LRIG1: variants seen among roughly 807,000 people sequenced by gnomAD.
LRIG1 encodes leucine-rich repeats and immunoglobulin-like domains protein 1.
Under a neutral mutation model 99.2 loss-of-function variants are expected in LRIG1, and 48 were observed. That is an observed-to-expected ratio of 0.48 (90% CI 0.38 to 0.62). The LOEUF (loss-of-function observed/expected upper bound fraction) is 0.62, where lower values mean the gene tolerates loss of function less well. LRIG1 is among the 20% of genes least tolerant of loss of function. The probability of loss-of-function intolerance (pLI) is 0.00; values close to 1 mark genes in which losing one functional copy is unlikely to be tolerated. For missense variants in LRIG1, 1,646 were observed against 1,434.4 expected (o/e 1.15, Z -2.38); for synonymous variants, 772 against 596.1 (o/e 1.29, Z -4.30).
At position 66,412,950 on chromosome 3, in the gene LRIG1, C is replaced by T. The variant is rs777288078; in HGVS notation, c.712G>A (p.Glu238Lys). 3.7e-6 allele frequency: 6 copies of T among 1,614,120 alleles called. No homozygotes were observed. The highest frequency in any genetic ancestry group is 5.1e-6 in the Non-Finnish European group (6 of 1,180,042). ...GLTFQGLNSL[E>K]VLKLQRNNIS... is the part of the protein sequence containing the mutation. ...TTGTTTCGCTGAAGCTTCAGCACCT[C>T]CAAGCTGTTGAGCCCCTGGAAGGTG... The change falls in exon 6 of 19, where the codon GAG becomes AAG. Residue 238 changes from glutamate to lysine, a missense_variant. Glu to Lys is a moderately conservative substitution (Grantham distance 56, BLOSUM62 1). Coordinates refer to ENST00000273261, the MANE Select transcript of LRIG1 (RefSeq NM_015541.3).
intron 1 of LRIG1, among the ~76,000 whole-genome samples, chr3:66,473,349 T>C (rs1409195040): frequency 5.9e-5 from 9 of 152,264 alleles, no homozygotes; most frequent in Admixed American, 5.9e-4. Context: ...TTCCCCAGAG[T>C]ACGGGAGTCC....
chr3:66,492,706 G>C (rs150657244), intron 1 of LRIG1, among the ~76,000 whole-genome samples: 1 of 151,618 alleles, frequency 6.6e-6, no homozygotes, highest in African/African-American at 2.4e-5. Context: ...GCAGTAATTA[G>C]AACCTGCATC....
At chr3:66,398,902 C>A (rs1575659760) in intron 10 of LRIG1, 68 bp downstream of exon 10, 6 of 1,308,182 alleles carry the variant, frequency 4.6e-6, no homozygotes, top group Admixed American at 1.7e-5. Flanking sequence ...GATTAAATTG[C>A]TAGCAGAACT....
chr3:66,484,297 A>T (rs1430973164), intron 1 of LRIG1, among the ~76,000 whole-genome samples: 1 of 152,232 alleles, frequency 6.6e-6, no homozygotes, highest in Non-Finnish European at 1.5e-5. Context: ...TGTCACGAGC[A>T]TTTAATGTGT....
At chr3:66,424,570 CAAG>C (rs1559792733) in intron 3 of LRIG1, among the ~76,000 whole-genome samples, 1 of 152,170 alleles carries the variant, frequency 6.6e-6, no homozygotes, top group African/African-American at 2.4e-5. Context: ...GCACAGTTCC[CAAG>C]AAGATCCATA....
intron 1 of LRIG1, among the ~76,000 whole-genome samples, chr3:66,464,007 G>C (rs556356845): frequency 4.6e-5 from 7 of 152,352 alleles, no homozygotes; most frequent in African/African-American, 1.4e-4. Flanking sequence ...GAACTCAAGT[G>C]TGAGCTTGTC....
intron 1 of LRIG1, among the ~76,000 whole-genome samples, chr3:66,490,142 C>A (rs754042401): frequency 6.6e-6 from 1 of 152,260 alleles, no homozygotes; most frequent in Middle Eastern, 3.4e-3. Context: ...TTGGGTAAAG[C>A]ATAGCCCTGG....
At position 66,485,629 on chromosome 3, in the gene LRIG1, A is replaced by AC. The variant is rs764816542; in HGVS notation, c.218+14560dup. 2.6e-5 allele frequency among the ~76,000 whole-genome samples: 4 copies of AC among 152,344 alleles called. No homozygotes were observed. The East Asian group carries it at 7.7e-4, about 29-fold the overall frequency. ...ATACTTTACTGTTTATAAATAGTTT[A>AC]CTTTTTTTGATCCCCAAGCATATAA... On this transcript the variant is annotated intron_variant, in intron 1 of 18. Transcript: ENST00000273261.
chr3:66,458,022 T>C (rs1283554693), intron 2 of LRIG1, among the ~76,000 whole-genome samples: 1 of 152,264 alleles, frequency 6.6e-6, no homozygotes. Flanking sequence ...GCACAGGTTT[T>C]GAGTTCAACT....
chr3:66,382,976 C>T lies in LRIG1; in HGVS notation c.2491+6G>A. ...TTGAAAGTCAGCTCCGCTGGCAGGG[C>T]CTGACCTGTGTTGGTGACACTGTAC... On this transcript the variant is annotated splice_donor_region_variant and intron_variant, in intron 15 of 18. Transcript: ENST00000273261. 1.3e-6 allele frequency: 2 copies of T among 1,596,102 alleles called. No individual in the cohort carries two copies. The highest frequency in any genetic ancestry group is 1.1e-5 in the South Asian group (1 of 89,214).
In LRIG1 at chr3:66,380,339, C is replaced by G; in HGVS notation, c.3206G>C (p.Ser1069Thr). 1 of 1,614,192 alleles carries G rather than the reference C, an allele frequency of 6.2e-7. No homozygotes were observed. Among genetic ancestry groups the G allele is most frequent in the Middle Eastern group, 1.6e-4 (1 of 6,062 alleles). The change falls in exon 19 of 19, where the codon AGT becomes ACT. Residue 1069 changes from serine (S) to threonine (T), a missense_variant. Transcript: ENST00000273261. ...TCCTGTCAGTGGCGTGGACTCGGGA[C>G]TGGCGTCACATGCTTTGGGGAGGTG... is the stretch of plus-strand genomic sequence containing the variant. ...NGHLPKACDA[S>T]PESTPLTGQL...
At chr3:66,410,944 C>A (rs181566021) in intron 6 of LRIG1, among the ~76,000 whole-genome samples, 2 of 152,338 alleles carry the variant, frequency 1.3e-5, no homozygotes, top group East Asian at 1.9e-4. Flanking sequence ...TGCTAGGAGA[C>A]CCGCTTTAGC....
rs763286238 is a variant in LRIG1 at position 66,380,517 on chromosome 3, C to A, written c.3056-28G>T. On this transcript the variant is annotated intron_variant, in intron 18 of 18. Coordinates refer to ENST00000273261, the MANE Select transcript of LRIG1 (RefSeq NM_015541.3). The stretch of plus-strand genomic sequence containing the variant: ...ACAAGGAAAGAACGAACCTGTCAGA[C>A]CCCCACTTGACCGTTTAAGCAGCTC... 3 of 1,613,842 alleles carry A rather than the reference C, an allele frequency of 1.9e-6. No homozygotes were observed. In the South Asian group the frequency reaches 3.3e-5, roughly 18 times the overall value.
intron 2 of LRIG1, among the ~76,000 whole-genome samples, chr3:66,457,743 T>C (rs1700263023): frequency 6.6e-6 from 1 of 152,202 alleles, no homozygotes; most frequent in South Asian, 2.1e-4. Context: ...CGTGAGTCTA[T>C]TTGCTACCAA....
intron 13 of LRIG1, among the ~76,000 whole-genome samples, chr3:66,385,152 C>G (rs187459542): frequency 1.6e-3 from 251 of 152,260 alleles, no homozygotes; most frequent in Admixed American, 2.7e-3. Flanking sequence ...CTCCCCACCC[C>G]CCTCCTCCAA....
At chr3:66,406,931 G>C (rs558691807) in intron 8 of LRIG1, among the ~76,000 whole-genome samples, 1 of 152,160 alleles carries the variant, frequency 6.6e-6, no homozygotes, top group Admixed American at 6.5e-5. Flanking sequence ...ATGGTTTAGA[G>C]AAAAAATATT....
At chr3:66,442,700 T>C (rs1413005401) in intron 3 of LRIG1, among the ~76,000 whole-genome samples, 3 of 151,854 alleles carry the variant, frequency 2.0e-5, no homozygotes, top group East Asian at 1.9e-4. Context: ...TCTTGGGCTA[T>C]ATTTAAAGCT....
rs2106951795 is a variant in LRIG1 at position 66,500,550 on chromosome 3, G to A, written c.-143C>T. 4.7e-6 allele frequency: 2 copies of A among 425,362 alleles called. No individual in the cohort carries two copies. Among genetic ancestry groups the A allele is most frequent in the Admixed American group, 4.6e-5 (1 of 21,840 alleles). The allele number at this position is 425,362 out of a possible 1,614,324, so 26.3% of individuals were successfully genotyped here. A position where few individuals can be genotyped will look rare whatever the true frequency, so the allele number is the denominator to read the frequency against. Reference sequence around the variant, plus strand: ...GCCCCCGCCCCAAGTTCTCTCTGCGGCCGCGGCTCCGGCACTCAGCGTGCC... The same window carrying A: ...GCCCCCGCCCCAAGTTCTCTCTGCGACCGCGGCTCCGGCACTCAGCGTGCC... On this transcript the variant is annotated 5_prime_UTR_variant, in exon 1 of 19. Transcript: ENST00000273261.
At chr3:66,454,382 GA>G (rs1704002300) in intron 2 of LRIG1, among the ~76,000 whole-genome samples, 1 of 152,322 alleles carries the variant, frequency 6.6e-6, no homozygotes, top group African/African-American at 2.4e-5. Flanking sequence ...GCTTTGAGGG[GA>G]AAGGCACTCA....
Sources: gnomAD v4.1 joint callset for allele counts (sites outside exome capture counted in the v4.1 genomes callset) on GRCh38, gnomAD v4.1.1 for gene constraint, MANE v1.5 for transcripts, NCBI Gene and HGNC (gene_info 2026-07-23, HGNC 2026-07-21) for gene names.